The following WWOX variants were observed in gnomAD, a reference collection of about 807,000 sequenced individuals.
WWOX encodes the protein WW domain containing oxidoreductase, also known as WW domain-containing oxidoreductase.
WWOX carries 69 observed loss-of-function variants against 46.2 expected under a neutral mutation model. The observed-to-expected ratio is 1.49, with a 90% CI of 1.23 to 1.82. The LOEUF (loss-of-function observed/expected upper bound fraction) is 1.82. WWOX is among the 40% of genes most tolerant of loss of function. The pLI is 0.00. For synonymous variants in WWOX, 359 were observed against 202.6 expected (o/e 1.77, Z -6.56); for missense variants, 919 against 542.6 (o/e 1.69, Z -6.89).
intron 8 of WWOX, among the ~76,000 whole-genome samples, chr16:78,592,326 A>G (rs1171842010): frequency 6.6e-6 from 1 of 152,250 alleles, no homozygotes; most frequent in Non-Finnish European, 1.5e-5. Flanking sequence ...CAAGGCTAGC[A>G]TGATAACAAA....
chr16:78,727,080 T>C (rs2048853146), intron 8 of WWOX, among the ~76,000 whole-genome samples: 2 of 152,272 alleles, frequency 1.3e-5, no homozygotes, highest in South Asian at 2.1e-4. Flanking sequence ...TGGCAGACCA[T>C]GCAGAATGCA....
rs538968117 is a variant in WWOX, at chr16:78,350,010, C to T, written c.517-36850C>T. 5.1e-4 allele frequency among the ~76,000 whole-genome samples: 62 copies of T among 121,280 alleles called. 11 individuals are homozygous for T. Among genetic ancestry groups the T allele is most frequent in the Admixed American group, 1.4e-3 (17 of 12,452 alleles). The allele number at this position is 121,280 out of a possible 152,430, so 79.6% of individuals were successfully genotyped here. ...TGTACACTCTTAAGCCAAATAACAT[C>T]GTACTGTGTATTATTCTCTAGTAGC... On this transcript the variant is annotated intron_variant, in intron 5 of 8. Coordinates refer to ENST00000566780, the MANE Select transcript of WWOX (RefSeq NM_016373.4).
intron 8 of WWOX, among the ~76,000 whole-genome samples, chr16:79,202,281 C>G (rs183809451): frequency 6.6e-6 from 1 of 152,246 alleles, no homozygotes; most frequent in East Asian, 1.9e-4. Context: ...AGTGTTGTCA[C>G]TTTTGTCATT....
intron 8 of WWOX, among the ~76,000 whole-genome samples, chr16:78,638,951 C>T (rs1410850077): frequency 1.3e-5 from 2 of 152,058 alleles, no homozygotes; most frequent in African/African-American, 2.4e-5. Context: ...GAATGATTCC[C>T]TCTGGGGTGC....
intron 8 of WWOX, among the ~76,000 whole-genome samples, chr16:78,958,415 T>C (rs979966983): frequency 2.0e-5 from 3 of 152,196 alleles, no homozygotes; most frequent in African/African-American, 7.2e-5. Flanking sequence ...ATAGAGTTCA[T>C]GGATGTTCTA....
intron 8 of WWOX, among the ~76,000 whole-genome samples, chr16:78,909,660 CTG>C (rs1206188911): frequency 6.6e-6 from 1 of 152,202 alleles, no homozygotes; most frequent in Non-Finnish European, 1.5e-5. Context: ...TCCCTGACCT[CTG>C]TGTCCATCCC....
At chr16:79,037,755 T>C (rs1274367228) in intron 8 of WWOX, among the ~76,000 whole-genome samples, 1 of 152,002 alleles carries the variant, frequency 6.6e-6, no homozygotes, top group Non-Finnish European at 1.5e-5. Flanking sequence ...TCTGGTGAAG[T>C]TGAGTTGTTT....
At chr16:78,839,726 T>C (rs906597174) in intron 8 of WWOX, among the ~76,000 whole-genome samples, 1 of 152,152 alleles carries the variant, frequency 6.6e-6, no homozygotes, top group East Asian at 1.9e-4. Flanking sequence ...CTGGTGATGT[T>C]CCTACCAAGT....
chr16:79,001,268 C>G (rs974971302), intron 8 of WWOX, among the ~76,000 whole-genome samples: 1 of 152,078 alleles, frequency 6.6e-6, no homozygotes, highest in Admixed American at 6.5e-5. Flanking sequence ...AGACAAAGGC[C>G]TCCCCGCCCC....
At chr16:78,978,845 C>G (rs2046624021) in intron 8 of WWOX, among the ~76,000 whole-genome samples, 3 of 152,182 alleles carry the variant, frequency 2.0e-5, no homozygotes, top group East Asian at 1.9e-4. Context: ...CAGGCCCCAC[C>G]TCCAACACTG....
intron 8 of WWOX, among the ~76,000 whole-genome samples, chr16:78,909,241 C>T (rs2045046434): frequency 6.6e-6 from 1 of 152,042 alleles, no homozygotes; most frequent in Non-Finnish European, 1.5e-5. Flanking sequence ...TTTCCTTGTG[C>T]CACGTGATTA....
At chr16:78,613,180 G>A (rs968316846) in intron 8 of WWOX, among the ~76,000 whole-genome samples, 44 of 152,218 alleles carry the variant, frequency 2.9e-4, no homozygotes, top group Non-Finnish European at 3.2e-4. Flanking sequence ...TTTTGATGCT[G>A]GTGCCCATCA....
At chr16:78,683,217 A>C (rs535881223) in intron 8 of WWOX, among the ~76,000 whole-genome samples, 1 of 152,204 alleles carries the variant, frequency 6.6e-6, no homozygotes, top group South Asian at 2.1e-4. Flanking sequence ...TTTTTAAAAA[A>C]TAGAGACAAG....
At chr16:78,894,492 A>T (rs935718379) in intron 8 of WWOX, among the ~76,000 whole-genome samples, 1 of 152,206 alleles carries the variant, frequency 6.6e-6, no homozygotes, top group African/African-American at 2.4e-5. Flanking sequence ...GGTTGGAAAC[A>T]CAGGCTTGAG....
At chr16:78,864,351 C>T (rs1410800517) in intron 8 of WWOX, among the ~76,000 whole-genome samples, 2 of 151,630 alleles carry the variant, frequency 1.3e-5, no homozygotes, top group Non-Finnish European at 2.9e-5. Flanking sequence ...ACTGCAGCCT[C>T]GATCTCCTGG....
In WWOX at chr16:78,621,592, C is replaced by CTTTTTTTTTTTTTTTTTTTTTTTTTTTT. The variant is rs34182797; in HGVS notation, c.1056+188843_1056+188870dup. On this transcript the variant is annotated intron_variant, in intron 8 of 8. Coordinates refer to ENST00000566780, the MANE Select transcript of WWOX (RefSeq NM_016373.4). Reference sequence around the variant, plus strand: ...ACCTTTAACCTTGTGTTGTTCTAATCTTTTTTTTTTTTTTTTTTTTTTTTT... The same window carrying CTTTTTTTTTTTTTTTTTTTTTTTTTTTT: ...ACCTTTAACCTTGTGTTGTTCTAATCTTTTTTTTTTTTTTTTTTTTTTTTTTTTTTTTTTTTTTTTTTTTTTTTTTTTT... Among the ~76,000 whole-genome samples the CTTTTTTTTTTTTTTTTTTTTTTTTTTTT allele has an allele frequency of 1.5e-3, 48 of 31,540 alleles. 16 individuals carry two copies. Among genetic ancestry groups the CTTTTTTTTTTTTTTTTTTTTTTTTTTTT allele is most frequent in the Admixed American group, 2.8e-3 (6 of 2,120 alleles). 20.7% of individuals were successfully genotyped at this position (31,540 alleles called of 152,430 possible). A position where few individuals can be genotyped will look rare whatever the true frequency, so the allele number is the denominator to read the frequency against.
intron 8 of WWOX, among the ~76,000 whole-genome samples, chr16:79,127,957 C>T (rs185975295): frequency 2.4e-4 from 36 of 152,248 alleles, no homozygotes; most frequent in African/African-American, 8.7e-4. Context: ...GACAGTTACG[C>T]AAAGGCCTGG....
At position 78,921,424 on chromosome 16, in the gene WWOX, C is replaced by A. The variant is rs144867452; in HGVS notation, c.1057-290184C>A. ...GTAAAATTAGGAGAGTAGATAGAAT[C>A]CTGAAGCATTTGAGCTGCAAAATCA... is the stretch of plus-strand genomic sequence containing the variant. On this transcript the variant is annotated intron_variant, in intron 8 of 8. Transcript: ENST00000566780. Among the ~76,000 whole-genome samples the A allele has an allele frequency of 5.7e-3, 869 of 152,246 alleles. 7 individuals carry two copies. The highest frequency in any genetic ancestry group is 0.02 in the African/African-American group (841 of 41,540).
intron 8 of WWOX, among the ~76,000 whole-genome samples, chr16:79,001,199 G>T (rs1432603249): frequency 6.6e-6 from 1 of 152,190 alleles, no homozygotes; most frequent in Non-Finnish European, 1.5e-5. Flanking sequence ...CCTAGAAGAT[G>T]CAGTCTCGAG....
Sources: allele counts gnomAD v4.1 joint callset (sites outside exome capture counted in the v4.1 genomes callset), GRCh38; gene constraint gnomAD v4.1.1; transcripts MANE v1.5; gene names NCBI Gene and HGNC (gene_info 2026-07-23, HGNC 2026-07-21).